The following CD226 variants were observed in gnomAD, a reference collection of about 807,000 sequenced individuals.
CD226 encodes CD226 antigen.
Under a neutral mutation model 34.9 loss-of-function variants are expected in CD226, and 24 were observed. The ratio of observed to expected loss-of-function variants is 0.69; its 90% CI spans 0.50 to 0.97. The LOEUF is 0.97. Among genes scored for constraint, CD226 ranks in the 50% least tolerant of loss-of-function variants. The pLI is 0.00. For synonymous variants in CD226, 148 were observed against 147.4 expected (o/e 1.00, Z -0.03); for missense variants, 397 against 412.7 (o/e 0.96, Z 0.33).
chr18:69,943,973 C>CTTTTT (rs11350418), intron 2 of CD226, among the ~76,000 whole-genome samples: 6 of 136,944 alleles, frequency 4.4e-5, no homozygotes, highest in Admixed American at 3.7e-4. Context: ...GATTCCAAGT[C>CTTTTT]TTTTTTTTTT....
At chr18:69,870,034 C>A (rs12956324) in intron 4 of CD226, among the ~76,000 whole-genome samples, 60,769 of 150,894 alleles carry the variant, frequency 0.4, 12,435 homozygotes, top group Middle Eastern at 0.51. Context: ...GAACTCCTGA[C>A]CTCATGATCT....
At chr18:69,875,562 C>T (rs1788098) in intron 3 of CD226, among the ~76,000 whole-genome samples, 84,056 of 152,142 alleles carry the variant, frequency 0.55, 24,534 homozygotes, top group African/African-American at 0.75. Flanking sequence ...CTATCTCTTG[C>T]CTTTTTGATA....
chr18:69,946,619 G>A (rs2055795556), intron 2 of CD226, 115 bp downstream of exon 2: 2 of 710,176 alleles, frequency 2.8e-6, no homozygotes, highest in Admixed American at 5.6e-5. Context: ...AAATGGAATT[G>A]GAGAATGCCA....
Position 69,873,170 on chromosome 18 carries a change from G to A in CD226, c.804C>T (p.Thr268=), listed in dbSNP as rs945369800. ...TGTTAAGGAAAATGACAATGATGGT[G>A]GTAATTGAGATAACAAACAACAACA... ...VLLLLFVISI[T]TIIVIFLNRR... is the part of the protein sequence containing the mutation. Residue 268 remains threonine, a synonymous_variant, in exon 4 of 6, where the codon ACC becomes ACT. Coordinates refer to ENST00000582621, the MANE Select transcript of CD226 (RefSeq NM_001303618.2). 2 of 1,601,452 alleles carry A rather than the reference G, an allele frequency of 1.2e-6. No homozygotes were observed. The highest frequency in any genetic ancestry group is 2.7e-5 in the African/African-American group (2 of 74,626).
intron 2 of CD226, among the ~76,000 whole-genome samples, chr18:69,938,237 A>C (rs1337828945): frequency 6.6e-6 from 1 of 152,174 alleles, no homozygotes; most frequent in African/African-American, 2.4e-5. Context: ...TATAAATATG[A>C]GTTCTATGTG....
intron 3 of CD226, among the ~76,000 whole-genome samples, 168 bp downstream of exon 3, chr18:69,895,533 A>C (rs563127380): frequency 6.6e-6 from 1 of 152,328 alleles, no homozygotes; most frequent in East Asian, 1.9e-4. Flanking sequence ...CAAGATAAAG[A>C]AACCCTCAAT....
At chr18:69,904,556 A>T (rs1170422127) in intron 2 of CD226, among the ~76,000 whole-genome samples, 1 of 152,252 alleles carries the variant, frequency 6.6e-6, no homozygotes. Context: ...TTGTTAAAAA[A>T]AATAACTTTC....
chr18:69,957,895 G>A (rs2055909763), upstream of CD226, among the ~76,000 whole-genome samples: 1 of 152,180 alleles, frequency 6.6e-6, no homozygotes, highest in Non-Finnish European at 1.5e-5. Flanking sequence ...TGCAAGGCCT[G>A]CGTCATTGAT....
intron 2 of CD226, among the ~76,000 whole-genome samples, chr18:69,911,515 T>C (rs1021208899): frequency 6.6e-6 from 1 of 152,198 alleles, no homozygotes; most frequent in Admixed American, 6.5e-5. Context: ...AAGTCCATGT[T>C]CACAGAGTGG....
rs1400742608 is a variant in CD226, at chr18:69,856,208, G to A, written c.*8106C>T. The A allele has an allele frequency of 6.6e-6, 1 of 152,132 alleles. No individual in the cohort carries two copies. Among genetic ancestry groups the A allele is most frequent in the Non-Finnish European group, 1.5e-5 (1 of 68,018 alleles). 9.4% of individuals were successfully genotyped at this position (152,132 alleles called of 1,614,324 possible). A position where few individuals can be genotyped will look rare whatever the true frequency, so the allele number is the denominator to read the frequency against. ...AAGAAAGATTATCAAGAATAAAAGG[G>A]ACATTACATGTGGTAAAGGGGTCAA... On this transcript the variant is annotated 3_prime_UTR_variant, in exon 6 of 6. Transcript: ENST00000582621.
chr18:69,861,554 G>GTATATGTATATATATATA lies in CD226; in HGVS notation c.*2759_*2760insTATATATATATACATATA, dbSNP rs1555675809. 2 of 127,948 alleles carry GTATATGTATATATATATA rather than the reference G, an allele frequency of 1.6e-5. No homozygotes were observed. The highest frequency in any genetic ancestry group is 3.3e-5 in the Non-Finnish European group (2 of 60,364). The allele number at this position is 127,948 out of a possible 1,614,324, so 7.9% of individuals were successfully genotyped here. ...ATAAATTATATGTGTATATATATAT[G>GTATATGTATATATATATA]TATATATATATATATATATGTAAAA... is the stretch of plus-strand genomic sequence containing the variant. On this transcript the variant is annotated 3_prime_UTR_variant, in exon 6 of 6. Transcript: ENST00000582621.
chr18:69,873,962 TTATAAG>T (rs1441924971), intron 3 of CD226, among the ~76,000 whole-genome samples: 3 of 152,214 alleles, frequency 2.0e-5, no homozygotes, highest in Admixed American at 6.5e-5. Context: ...ACTCTGATGT[TTATAAG>T]TATAATTTAA....
chr18:69,947,291 G>T, intron 1 of CD226, 70 bp downstream of exon 1: 2 of 1,065,562 alleles, frequency 1.9e-6, no homozygotes, highest in South Asian at 1.5e-5. Flanking sequence ...TGTAAATTCT[G>T]AATATGCCAC....
chr18:69,873,300 AAAGT>A (rs1983658725), intron 3 of CD226, 54 bp from the exon 4 acceptor site: 2 of 868,010 alleles, frequency 2.3e-6, no homozygotes, highest in Middle Eastern at 2.3e-4. Flanking sequence ...AAGGCAGTAA[AAAGT>A]AAGGCAGGAA....
chr18:69,879,557 T>C lies in CD226; in HGVS notation c.728-6311A>G, dbSNP rs866187638. On this transcript the variant is annotated intron_variant, in intron 3 of 5. Transcript: ENST00000582621. ...GGTTATCTCCCTTGTTCTCTGAAAA[T>C]CACAGTTATCCTGTTCTTAAGGTGC... is the stretch of plus-strand genomic sequence containing the variant. 2.0e-5 allele frequency among the ~76,000 whole-genome samples: 3 copies of C among 148,416 alleles called. No homozygotes were observed. The South Asian group carries it at 6.5e-4, about 32-fold the overall frequency.
At chr18:69,939,522 G>A (rs1468984789) in intron 2 of CD226, among the ~76,000 whole-genome samples, 2 of 152,020 alleles carry the variant, frequency 1.3e-5, no homozygotes, top group African/African-American at 4.8e-5. Context: ...TGGGTATTTG[G>A]GTTGTTACCA....
At chr18:69,867,791 C>A (rs1384153567) in intron 4 of CD226, among the ~76,000 whole-genome samples, 1 of 152,012 alleles carries the variant, frequency 6.6e-6, no homozygotes, top group Admixed American at 6.5e-5. Flanking sequence ...AGTGTAACTT[C>A]TTGGATGACA....
rs1453395392 is a variant in CD226 at position 69,924,706 on chromosome 18, A to AAAAAAAC, written c.382+22027_382+22028insGTTTTTT. Among the ~76,000 whole-genome samples the AAAAAAAC allele has an allele frequency of 4.6e-5, 7 of 150,564 alleles. No homozygotes were observed. The South Asian group carries it at 1.0e-3, about 22-fold the overall frequency. ...GAAGGTATTGCCAAAAAAAAAAAAA[A>AAAAAAAC]AAAAAAGAATCATTCAAACTGGGGA... On this transcript the variant is annotated intron_variant, in intron 2 of 5. Transcript: ENST00000582621.
intron 1 of CD226, among the ~76,000 whole-genome samples, chr18:69,955,894 GA>G (rs2055893665): frequency 6.8e-6 from 1 of 147,330 alleles, no homozygotes; most frequent in Non-Finnish European, 1.5e-5. Context: ...ATTTCCTCAG[GA>G]ACACAATAGT....
Sources: gnomAD v4.1 joint callset for allele counts (sites outside exome capture counted in the v4.1 genomes callset) on GRCh38, gnomAD v4.1.1 for gene constraint, MANE v1.5 for transcripts, NCBI Gene and HGNC (gene_info 2026-07-23, HGNC 2026-07-21) for gene names.